Variants in SCN8A observed in about 807,000 individuals in gnomAD.
SCN8A encodes the protein sodium channel protein type 8 subunit alpha.
A neutral mutation model predicts 184.1 loss-of-function variants in SCN8A; 30 were observed. The ratio of observed to expected loss-of-function variants is 0.16; its 90% CI spans 0.12 to 0.22. SCN8A has a LOEUF of 0.22. Ranked by LOEUF, SCN8A falls within the 10% of genes least tolerant of loss-of-function variation. The pLI is 1.00. For synonymous variants in SCN8A, 852 were observed against 907.0 expected, an observed-to-expected ratio of 0.94 and a Z score of 1.09; for missense variants, 1,057 against 2,498.9, an observed-to-expected ratio of 0.42 and a Z score of 12.30.
intron 10 of SCN8A, among the ~76,000 whole-genome samples, chr12:51,706,016 T>G (rs915310793): frequency 6.6e-6 from 1 of 152,230 alleles, no homozygotes; most frequent in Non-Finnish European, 1.5e-5. Flanking sequence ...AATATTAAAG[T>G]AAAACTTGAA....
chr12:51,604,380 T>C (rs1939536675), intron 1 of SCN8A, among the ~76,000 whole-genome samples: 1 of 152,190 alleles, frequency 6.6e-6, no homozygotes, highest in Non-Finnish European at 1.5e-5. Flanking sequence ...CCTGTATTTA[T>C]GTGGGTTTAT....
intron 16 of SCN8A, 71 bp downstream of exon 16, chr12:51,766,098 C>T: frequency 8.5e-7 from 1 of 1,175,970 alleles, no homozygotes; most frequent in Non-Finnish European, 1.3e-6. Context: ...AAGCCCAAGT[C>T]CTTCTACTGC....
At chr12:51,623,139 G>C (rs1391764336) in intron 1 of SCN8A, among the ~76,000 whole-genome samples, 2 of 152,136 alleles carry the variant, frequency 1.3e-5, no homozygotes, top group African/African-American at 4.8e-5. Context: ...TCTAGAATCA[G>C]CTTTTTCTAA....
chr12:51,787,041 T>A (rs912373071), intron 22 of SCN8A, among the ~76,000 whole-genome samples: 1 of 152,220 alleles, frequency 6.6e-6, no homozygotes, highest in South Asian at 2.1e-4. Flanking sequence ...AAATCTCTCA[T>A]TGTGCTCAGG....
chr12:51,810,448 T>G lies in SCN8A; in HGVS notation c.*3019T>G, dbSNP rs1461129749. Reference sequence around the variant, plus strand: ...GACGTTTTTGTGCATCTTCGCTGAGTGGGTAAGTGGCAATGCTTTGCCAAA... The same window carrying G: ...GACGTTTTTGTGCATCTTCGCTGAGGGGGTAAGTGGCAATGCTTTGCCAAA... On this transcript the variant is annotated 3_prime_UTR_variant, in exon 27 of 27. Coordinates refer to ENST00000627620, the MANE Select transcript of SCN8A (RefSeq NM_001330260.2). The G allele has an allele frequency of 4.4e-6, 2 of 452,108 alleles. No homozygotes were observed. Among genetic ancestry groups the G allele is most frequent in the Non-Finnish European group, 8.9e-6 (2 of 225,460 alleles). The allele number at this position is 452,108 out of a possible 1,614,324, so 28.0% of individuals were successfully genotyped here. A position where few individuals can be genotyped will look rare whatever the true frequency, so the allele number is the denominator to read the frequency against.
chr12:51,674,261 C>T (rs1161256932), intron 2 of SCN8A, among the ~76,000 whole-genome samples: 2 of 152,160 alleles, frequency 1.3e-5, no homozygotes, highest in Non-Finnish European at 2.9e-5. Flanking sequence ...AACTTGTGCA[C>T]AAGTGTCCTT....
chr12:51,715,528 G>A (rs1337973034), intron 11 of SCN8A, among the ~76,000 whole-genome samples: 2 of 151,744 alleles, frequency 1.3e-5, no homozygotes, highest in Non-Finnish European at 1.5e-5. Context: ...TGGCACTTTG[G>A]GAGGCTGAGG....
rs139165903 is a variant in SCN8A, at chr12:51,775,918, G to A, written c.3819+1556G>A. ...TAGGGTGAGCTACCCAGAATTTGAG[G>A]ATATTGATCAGGTATCCCACATGCC... is the stretch of plus-strand genomic sequence containing the variant. On this transcript the variant is annotated intron_variant, in intron 20 of 26. Transcript: ENST00000627620. 5.3e-4 allele frequency among the ~76,000 whole-genome samples: 80 copies of A among 152,282 alleles called. No homozygotes were observed. In the East Asian group the frequency reaches 0.014, roughly 28 times the overall value.
At chr12:51,595,233 T>C (rs1156609530) in intron 1 of SCN8A, among the ~76,000 whole-genome samples, 1 of 152,208 alleles carries the variant, frequency 6.6e-6, no homozygotes, top group African/African-American at 2.4e-5. Flanking sequence ...GAAACAGAAC[T>C]CTTACCCTGT....
chr12:51,662,957 A>G lies in SCN8A; in HGVS notation c.140A>G (p.Asp47Gly), dbSNP rs764608088. ...PPKADGSHRE[D>G]DEDSKPKPNS... is the part of the protein sequence containing the mutation. Reference sequence around the variant, plus strand: ...AAGGCCGATGGCAGTCATCGGGAGGACGATGAGGACAGCAAGCCCAAGCCA... The same window carrying G: ...AAGGCCGATGGCAGTCATCGGGAGGGCGATGAGGACAGCAAGCCCAAGCCA... Residue 47 changes from aspartate to glycine, a missense_variant, in exon 2 of 27, where the codon GAC becomes GGC. Transcript: ENST00000627620. 1 of 1,614,048 alleles carries G rather than the reference A, an allele frequency of 6.2e-7. No homozygotes were observed. Among genetic ancestry groups the G allele is most frequent in the South Asian group, 1.1e-5 (1 of 91,084 alleles).
At chr12:51,607,527 T>A (rs1939622019) in intron 1 of SCN8A, among the ~76,000 whole-genome samples, 1 of 152,194 alleles carries the variant, frequency 6.6e-6, no homozygotes, top group African/African-American at 2.4e-5. Flanking sequence ...AGGGAATGCG[T>A]TCAACTTTTC....
At chr12:51,708,523 C>T (rs1941820702) in intron 11 of SCN8A, among the ~76,000 whole-genome samples, 1 of 152,152 alleles carries the variant, frequency 6.6e-6, no homozygotes, top group African/African-American at 2.4e-5. Context: ...ATTATAGTTA[C>T]TGTTTATGGC....
chr12:51,597,752 A>C (rs997699372), intron 1 of SCN8A, among the ~76,000 whole-genome samples: 1 of 152,160 alleles, frequency 6.6e-6, no homozygotes, highest in African/African-American at 2.4e-5. Flanking sequence ...GCTGGTGTAA[A>C]TAGCATTTTT....
chr12:51,705,866 C>T (rs2138748965), intron 10 of SCN8A, among the ~76,000 whole-genome samples: 1 of 152,246 alleles, frequency 6.6e-6, no homozygotes, highest in East Asian at 1.9e-4. Flanking sequence ...GTGCAACCGC[C>T]ATGATGACTG....
At chr12:51,690,378 G>C (rs1392039739) in intron 6 of SCN8A, among the ~76,000 whole-genome samples, 1 of 152,098 alleles carries the variant, frequency 6.6e-6, no homozygotes, top group Admixed American at 6.5e-5. Context: ...ATTTTCTAGA[G>C]ACAGGGTCTC....
chr12:51,789,221 T>TG, intron 23 of SCN8A, 60 bp from the exon 24 acceptor site: 1 of 1,590,786 alleles, frequency 6.3e-7, no homozygotes, highest in Non-Finnish European at 8.6e-7. Flanking sequence ...CTGATGGCCT[T>TG]GGCGTGTCAA....
At chr12:51,647,696 A>T (rs892865941) in intron 1 of SCN8A, among the ~76,000 whole-genome samples, 2 of 152,232 alleles carry the variant, frequency 1.3e-5, no homozygotes, top group African/African-American at 4.8e-5. Flanking sequence ...TAGAACTGTT[A>T]TAGATTTTCC....
intron 1 of SCN8A, among the ~76,000 whole-genome samples, chr12:51,603,602 C>G (rs577015232): frequency 1.3e-5 from 2 of 152,280 alleles, no homozygotes; most frequent in Non-Finnish European, 2.9e-5. Context: ...CCTTTATAAG[C>G]AACTAACAAC....
Position 51,806,847 on chromosome 12 carries a change from C to A in SCN8A, c.5361C>A (p.Thr1787=). The change falls in exon 27 of 27, where the codon ACC becomes ACA. Residue 1787 remains threonine (T), a synonymous_variant. Coordinates refer to ENST00000627620, the MANE Select transcript of SCN8A (RefSeq NM_001330260.2). This position sits in a 1 kb window ranked among gnomAD's most constrained non-coding sequence, Gnocchi z 8.7. ...ADPLSEDDFE[T]FYEIWEKFDP... ...CTCTGAGTGAGGATGACTTTGAGAC[C>A]TTCTATGAGATCTGGGAGAAGTTCG... The A allele has an allele frequency of 1.9e-6, 3 of 1,614,092 alleles. No homozygotes were observed. The highest frequency in any genetic ancestry group is 2.5e-6 in the Non-Finnish European group (3 of 1,179,974).
Sources: allele counts gnomAD v4.1 joint callset (sites outside exome capture counted in the v4.1 genomes callset), GRCh38; gene constraint gnomAD v4.1.1; non-coding constraint Gnocchi (gnomAD v3.1); transcripts MANE v1.5; gene names NCBI Gene and HGNC (gene_info 2026-07-23, HGNC 2026-07-21).